The following MICU1 variants were observed in gnomAD, a reference collection of about 807,000 sequenced individuals.
MICU1 encodes calcium uptake protein 1, mitochondrial.
A neutral mutation model predicts 56.8 loss-of-function variants in MICU1; 45 were observed. That is an observed-to-expected ratio of 0.79 (90% CI 0.62 to 1.02). The LOEUF (loss-of-function observed/expected upper bound fraction) is 1.02. MICU1 is among the 50% of genes least tolerant of loss of function. The pLI, the probability that MICU1 is intolerant of heterozygous loss-of-function variation, is 0.00. For missense variants in MICU1, 504 were observed against 587.1 expected (o/e 0.86, Z 1.46); for synonymous variants, 186 against 195.1 (o/e 0.95, Z 0.39).
intron 8 of MICU1, among the ~76,000 whole-genome samples, chr10:72,440,078 G>C (rs1160289310): frequency 6.6e-6 from 1 of 152,152 alleles, no homozygotes; most frequent in East Asian, 1.9e-4. Flanking sequence ...AAAAAAAAGA[G>C]CCTGCATAGC....
At chr10:72,400,850 AATG>A (rs911102108) in intron 10 of MICU1, among the ~76,000 whole-genome samples, 9 of 150,966 alleles carry the variant, frequency 6.0e-5, no homozygotes, top group Non-Finnish European at 1.0e-4. Flanking sequence ...ATTCTAGAGA[AATG>A]ATCTGGTGGT....
At chr10:72,399,566 C>T (rs2132084544) in intron 10 of MICU1, among the ~76,000 whole-genome samples, 1 of 151,264 alleles carries the variant, frequency 6.6e-6, no homozygotes, top group Non-Finnish European at 1.5e-5. Context: ...GAATCACATG[C>T]ACCCAGGAGG....
chr10:72,501,020 A>G (rs1324597499), intron 6 of MICU1, among the ~76,000 whole-genome samples: 1 of 152,182 alleles, frequency 6.6e-6, no homozygotes, highest in Non-Finnish European at 1.5e-5. Context: ...ACTTACTTTA[A>G]GAATCAGCAG....
chr10:72,455,899 G>A (rs1378566960), intron 8 of MICU1, among the ~76,000 whole-genome samples: 2 of 152,116 alleles, frequency 1.3e-5, no homozygotes, highest in Non-Finnish European at 2.9e-5. Flanking sequence ...AAGGGACTGG[G>A]ACTGGAAAAC....
At chr10:72,512,100 G>GTTT (rs1199987987) in intron 5 of MICU1, among the ~76,000 whole-genome samples, 1,112 of 82,364 alleles carry the variant, frequency 0.014, 147 homozygotes, top group African/African-American at 0.035. Context: ...ATACACAGTT[G>GTTT]TTTTTTGTTT....
chr10:72,533,116 C>T (rs750700792), intron 5 of MICU1: 12 of 1,289,848 alleles, frequency 9.3e-6, no homozygotes, highest in Non-Finnish European at 1.2e-5. Context: ...TGACCCTTTA[C>T]TTTTCTTTCT....
At chr10:72,598,094 T>A (rs1841426585) in intron 1 of MICU1, among the ~76,000 whole-genome samples, 1 of 152,052 alleles carries the variant, frequency 6.6e-6, no homozygotes, top group Admixed American at 6.6e-5. Context: ...ATTAGAGATA[T>A]GAAAAACTAA....
intron 1 of MICU1, among the ~76,000 whole-genome samples, chr10:72,614,677 A>G (rs1841935266): frequency 1.3e-5 from 2 of 152,216 alleles, no homozygotes; most frequent in African/African-American, 2.4e-5. Context: ...AAAGGCAAAT[A>G]CTTTGTGATT....
chr10:72,442,653 G>T (rs374094387), intron 8 of MICU1, among the ~76,000 whole-genome samples: 1 of 152,236 alleles, frequency 6.6e-6, no homozygotes, highest in East Asian at 1.9e-4. Flanking sequence ...TTGTACAAAT[G>T]CCCTACTTAC....
chr10:72,618,081 C>T (rs955992042), intron 1 of MICU1, among the ~76,000 whole-genome samples: 3 of 150,136 alleles, frequency 2.0e-5, no homozygotes, highest in Non-Finnish European at 3.0e-5. Flanking sequence ...GCAGGAGATT[C>T]GCTTGAGCCT....
intron 1 of MICU1, among the ~76,000 whole-genome samples, chr10:72,576,821 GT>G (rs1399866852): frequency 1.3e-5 from 2 of 152,190 alleles, no homozygotes; most frequent in East Asian, 3.9e-4. Flanking sequence ...AATGTACCTA[GT>G]GACTTTAAGT....
At chr10:72,535,614 A>G (rs1187490840) in intron 4 of MICU1, among the ~76,000 whole-genome samples, 1 of 152,112 alleles carries the variant, frequency 6.6e-6, no homozygotes, top group East Asian at 1.9e-4. Flanking sequence ...AACTACCCAC[A>G]CTTCAGTGTA....
In MICU1 at chr10:72,448,189, A is replaced by ATTT. The variant is rs1250710380; in HGVS notation, c.934-24819_934-24818insAAA. Reference sequence around the variant, plus strand: ...TATGTGTGTGTATATATATATATATATATATTTTTTTTTTTTTTTTTTTTT... The same window carrying ATTT: ...TATGTGTGTGTATATATATATATATATTTTATATTTTTTTTTTTTTTTTTTTTT... On this transcript the variant is annotated intron_variant, in intron 8 of 11. Transcript: ENST00000361114. 1.2e-3 allele frequency among the ~76,000 whole-genome samples: 64 copies of ATTT among 55,300 alleles called. 1 individual carries two copies. The highest frequency in any genetic ancestry group is 1.7e-3 in the Non-Finnish European group (43 of 26,002). 36.3% of individuals were successfully genotyped at this position (55,300 alleles called of 152,430 possible).
At chr10:72,606,166 C>T (rs1212765926) in intron 1 of MICU1, among the ~76,000 whole-genome samples, 4 of 150,908 alleles carry the variant, frequency 2.7e-5, no homozygotes, top group Admixed American at 6.6e-5. Flanking sequence ...TAAAATGTTA[C>T]ATAACTATGT....
chr10:72,500,095 T>C (rs1023755337), intron 6 of MICU1, among the ~76,000 whole-genome samples: 16 of 151,676 alleles, frequency 1.1e-4, no homozygotes, highest in Non-Finnish European at 1.9e-4. Flanking sequence ...ATAATCAAAA[T>C]GAGAATATAA....
chr10:72,403,686 C>T (rs1052416870), intron 10 of MICU1, among the ~76,000 whole-genome samples: 10 of 142,250 alleles, frequency 7.0e-5, no homozygotes, highest in East Asian at 2.1e-4. Context: ...GACGGAGTCT[C>T]GCTCTGTTGC....
intron 11 of MICU1, among the ~76,000 whole-genome samples, chr10:72,370,343 T>C (rs1271441634): frequency 6.6e-6 from 1 of 152,156 alleles, no homozygotes; most frequent in African/African-American, 2.4e-5. Context: ...AACCTACCTC[T>C]ACTCATGATT....
chr10:72,576,195 C>T (rs1007904420), intron 1 of MICU1, among the ~76,000 whole-genome samples: 7 of 96,232 alleles, frequency 7.3e-5, no homozygotes, highest in Non-Finnish European at 1.3e-4. Flanking sequence ...GCCTGGGCAA[C>T]ACAAGTCAAA....
intron 3 of MICU1, among the ~76,000 whole-genome samples, chr10:72,557,966 A>T (rs913700248): frequency 6.6e-6 from 1 of 152,242 alleles, no homozygotes; most frequent in African/African-American, 2.4e-5. Flanking sequence ...GTTTAAAATT[A>T]CAACAAATTG....
Sources: allele counts gnomAD v4.1 joint callset (sites outside exome capture counted in the v4.1 genomes callset), GRCh38; gene constraint gnomAD v4.1.1; transcripts MANE v1.5; gene names NCBI Gene and HGNC (gene_info 2026-07-23, HGNC 2026-07-21).